RGL2: variants seen among roughly 807,000 people sequenced by gnomAD.
The protein encoded by RGL2 is ral guanine nucleotide dissociation stimulator-like 2.
In RGL2, 40 loss-of-function variants were observed where a neutral mutation model predicts 84.6. The observed-to-expected ratio is 0.47, with a 90% CI of 0.37 to 0.62. The LOEUF is 0.62. Ranked by LOEUF, RGL2 falls within the 20% of genes least tolerant of loss-of-function variation. The pLI is 0.00. For synonymous variants in RGL2, 369 were observed against 417.3 expected (o/e 0.88, Z 1.41); for missense variants, 865 against 1,019.7 (o/e 0.85, Z 2.07).
At position 33,293,005 on chromosome 6, in the gene RGL2, G is replaced by A; in HGVS notation, c.2007+11C>T. The A allele has an allele frequency of 6.2e-7, 1 of 1,613,976 alleles. No homozygotes were observed. The highest frequency in any genetic ancestry group is 8.5e-7 in the Non-Finnish European group (1 of 1,179,972). On this transcript the variant is annotated intron_variant, in intron 16 of 17. Coordinates refer to ENST00000497454, the MANE Select transcript of RGL2 (RefSeq NM_004761.5). The surrounding 1 kb of genome is among the most constrained non-coding windows in gnomAD (Gnocchi z 7.0). ...ATCCTTCACCCCAACTCCATCCCAA[G>A]GCTCCCTCACCAAAATGCTCTTATA...
chr6:33,295,794 T>C lies in RGL2; in HGVS notation c.769-35A>G, dbSNP rs770255005. The C allele has an allele frequency of 6.9e-6, 11 of 1,592,044 alleles. 1 individual carries two copies. The Admixed American group carries it at 1.2e-4, about 17-fold the overall frequency. ...AGAGGTCAGAGGTTAAAGTTCATAGTCAAGTGAGGTCAGCCTTCCAATATC... is the reference window on the plus strand; with the variant it reads ...AGAGGTCAGAGGTTAAAGTTCATAGCCAAGTGAGGTCAGCCTTCCAATATC... On this transcript the variant is annotated intron_variant, in intron 6 of 17. Transcript: ENST00000497454. The surrounding 1 kb of genome is among the most constrained non-coding windows in gnomAD (Gnocchi z 7.2).
In RGL2 at chr6:33,292,208, A is replaced by C; in HGVS notation, c.2228T>G (p.Val743Gly). The change falls in exon 18 of 18, where the codon GTC (valine) becomes GGC (glycine). Residue 743 changes from valine (V) to glycine (G), a missense_variant. Physicochemically the swap from Val to Gly is moderately radical, Grantham distance 109. Around this residue, in one of 5 missense-constraint regions of RGL2, gnomAD observed 302 missense variants for 327.9 expected, o/e 0.92. Coordinates refer to ENST00000497454, the MANE Select transcript of RGL2 (RefSeq NM_004761.5). ...RRRSSTATPG[V>G]TSGPSASGTP... ...TCCTGAGGCAGACGGGCCACTGGTG[A>C]CGCCAGGTGTAGCAGTAGAGGACCT... 1 of 1,614,188 alleles carries C rather than the reference A, an allele frequency of 6.2e-7. No homozygotes were observed. The highest frequency in any genetic ancestry group is 8.5e-7 in the Non-Finnish European group (1 of 1,180,034).
In RGL2 at chr6:33,293,777, A is replaced by G. The variant is rs755988612; in HGVS notation, c.1508+18T>C. On this transcript the variant is annotated intron_variant, in intron 13 of 17. Coordinates refer to ENST00000497454, the MANE Select transcript of RGL2 (RefSeq NM_004761.5). The surrounding 1 kb of genome is among the most constrained non-coding windows in gnomAD (Gnocchi z 7.0). The stretch of plus-strand genomic sequence containing the variant: ...ACCTGGCCAGAACCCTGGAGTCCCA[A>G]CCTCACCCGCCAGTCACCTCTGAGC... The G allele has an allele frequency of 6.2e-7, 1 of 1,613,290 alleles. No homozygotes were observed. Among genetic ancestry groups the G allele is most frequent in the African/African-American group, 1.3e-5 (1 of 74,854 alleles).
In RGL2 at chr6:33,292,488, A is replaced by G. The variant is rs750885297; in HGVS notation, c.2064T>C (p.Asn688=). Residue 688 remains asparagine, a synonymous_variant, in exon 17 of 18, where the codon AAT becomes AAC. Coordinates refer to ENST00000497454, the MANE Select transcript of RGL2 (RefSeq NM_004761.5). ...SVISRVLKKN[N]RDSAVASEYE... is the part of the protein sequence containing the mutation. ...ACTCTGAAGCCACTGCAGAGTCACG[A>G]TTGTTTTTCTTAAGGACACGACTGA... The G allele has an allele frequency of 1.9e-6, 3 of 1,613,956 alleles. No individual in the cohort carries two copies. In the Middle Eastern group the frequency reaches 4.9e-4, roughly 266 times the overall value.
chr6:33,294,560 A>G lies in RGL2; in HGVS notation c.1353+128T>C. The G allele has an allele frequency of 1.1e-6, 1 of 942,224 alleles. No individual in the cohort carries two copies. The highest frequency in any genetic ancestry group is 1.6e-6 in the Non-Finnish European group (1 of 620,772). The allele number at this position is 942,224 out of a possible 1,614,324, so 58.4% of individuals were successfully genotyped here. A position where few individuals can be genotyped will look rare whatever the true frequency, so the allele number is the denominator to read the frequency against. On this transcript the variant is annotated intron_variant, in intron 11 of 17. Coordinates refer to ENST00000497454, the MANE Select transcript of RGL2 (RefSeq NM_004761.5). The surrounding 1 kb of genome is among the most constrained non-coding windows in gnomAD (Gnocchi z 5.0). ...ATCACTGAGGCGACTTGGCACAGAA[A>G]CAGATCTGGCTCTGTCCCACACTCA...
At position 33,296,513 on chromosome 6, in the gene RGL2, T is replaced by G. The variant is rs1321095796; in HGVS notation, c.420-49A>C. The G allele has an allele frequency of 3.8e-6, 6 of 1,586,840 alleles. No individual in the cohort carries two copies. In the Admixed American group the frequency reaches 7.1e-5, roughly 19 times the overall value. On this transcript the variant is annotated intron_variant, in intron 4 of 17. Coordinates refer to ENST00000497454, the MANE Select transcript of RGL2 (RefSeq NM_004761.5). The surrounding 1 kb of genome is among the most constrained non-coding windows in gnomAD (Gnocchi z 5.0). ...CTGTCCATTTTTCCCAAACCCTCAG[T>G]GGCTTTGACTATTTTGGTGGGATGT...
Position 33,296,402 on chromosome 6 carries a change from G to C in RGL2, c.470+12C>G, listed in dbSNP as rs1767961180. On this transcript the variant is annotated intron_variant, in intron 5 of 17. Coordinates refer to ENST00000497454, the MANE Select transcript of RGL2 (RefSeq NM_004761.5). The surrounding 1 kb of genome is among the most constrained non-coding windows in gnomAD (Gnocchi z 5.0). Reference sequence around the variant, plus strand: ...GAGGGGACTGTGAGATTAAGAACCAGGGGTCACTCACTCTGTTGTCCTCTC... The same window carrying C: ...GAGGGGACTGTGAGATTAAGAACCACGGGTCACTCACTCTGTTGTCCTCTC... 5 of 1,610,046 alleles carry C rather than the reference G, an allele frequency of 3.1e-6. No individual in the cohort carries two copies. The highest frequency in any genetic ancestry group is 3.4e-6 in the Non-Finnish European group (4 of 1,177,840).
In RGL2 at chr6:33,294,745, A is replaced by G. The variant is rs1325260010; in HGVS notation, c.1296T>C (p.Leu432=). 2.5e-6 allele frequency: 4 copies of G among 1,614,022 alleles called. No homozygotes were observed. The highest frequency in any genetic ancestry group is 3.4e-6 in the Non-Finnish European group (4 of 1,179,994). The change falls in exon 11 of 18, where the codon CTT becomes CTC. Residue 432 remains leucine, a synonymous_variant. Transcript: ENST00000497454. This position sits in a 1 kb window ranked among gnomAD's most constrained non-coding sequence, Gnocchi z 5.0. The stretch of plus-strand genomic sequence containing the variant: ...TCACAAGGTCCTTCAGGAAGGTGCC[A>G]AGGTATGGGACCACACCCTGAAGTC... ...GSRGGGVVPY[L]GTFLKDLVML...
rs775682699 is a variant in RGL2 at position 33,291,736 on chromosome 6, C to T, written c.*366G>A. ...CCCAGAGTGGGAAGAAGAGCTCCTG[C>T]GAGGACCTACATTTTGCCATTCCCC... On this transcript the variant is annotated 3_prime_UTR_variant, in exon 18 of 18. Coordinates refer to ENST00000497454, the MANE Select transcript of RGL2 (RefSeq NM_004761.5). 4 of 413,458 alleles carry T rather than the reference C, an allele frequency of 9.7e-6. No homozygotes were observed. The highest frequency in any genetic ancestry group is 4.3e-5 in the Admixed American group (1 of 23,246). The allele number at this position is 413,458 out of a possible 1,614,324, so 25.6% of individuals were successfully genotyped here.
chr6:33,295,708 G>C lies in RGL2; in HGVS notation c.820C>G (p.His274Asp). The change falls in exon 7 of 18, where the codon CAC becomes GAC. Residue 274 changes from histidine to aspartate, a missense_variant. This residue lies in a region of RGL2 where 455 missense variants were observed against 507.8 expected (regional missense o/e 0.90). Transcript: ENST00000497454. This position sits in a 1 kb window ranked among gnomAD's most constrained non-coding sequence, Gnocchi z 7.2. ...PSQCLGGLWG[H>D]RDRPGHSHLC... ...TGAGAATGTCCTGGCCGGTCTCTGT[G>C]ACCCCACAGGCCTCCCAGGCACTGA... is the stretch of plus-strand genomic sequence containing the variant. 6.2e-7 allele frequency: 1 copy of C among 1,613,856 alleles called. No individual in the cohort carries two copies. Among genetic ancestry groups the C allele is most frequent in the South Asian group, 1.1e-5 (1 of 91,084 alleles).
rs760679324 is a variant in RGL2, at chr6:33,295,921, A to C, written c.768+107T>G. On this transcript the variant is annotated intron_variant, in intron 6 of 17. Coordinates refer to ENST00000497454, the MANE Select transcript of RGL2 (RefSeq NM_004761.5). This position sits in a 1 kb window ranked among gnomAD's most constrained non-coding sequence, Gnocchi z 7.2. ...GGAGAATCAAAATGGTAGGTGGAGG[A>C]GGCTAGGAGCTGGATCAGGAAGGGG... is the stretch of plus-strand genomic sequence containing the variant. 59 of 1,467,010 alleles carry C rather than the reference A, an allele frequency of 4.0e-5. 1 individual carries two copies. The highest frequency in any genetic ancestry group is 5.5e-5 in the Non-Finnish European group (59 of 1,064,726). The allele number at this position is 1,467,010 out of a possible 1,614,324, so 90.9% of individuals were successfully genotyped here.
In RGL2 at chr6:33,294,197, T is replaced by A; in HGVS notation, c.1354-131A>T. Reference sequence around the variant, plus strand: ...CACTTCCCTCCAGCCTCTCTGACTCTTCGATCCCTCCCTGCCTTCCTCCTC... The same window carrying A: ...CACTTCCCTCCAGCCTCTCTGACTCATCGATCCCTCCCTGCCTTCCTCCTC... On this transcript the variant is annotated intron_variant, in intron 11 of 17. Coordinates refer to ENST00000497454, the MANE Select transcript of RGL2 (RefSeq NM_004761.5). This position sits in a 1 kb window ranked among gnomAD's most constrained non-coding sequence, Gnocchi z 5.0. 1 of 1,073,798 alleles carries A rather than the reference T, an allele frequency of 9.3e-7. No homozygotes were observed. Among genetic ancestry groups the A allele is most frequent in the Non-Finnish European group, 1.4e-6 (1 of 737,420 alleles). The allele number at this position is 1,073,798 out of a possible 1,614,324, so 66.5% of individuals were successfully genotyped here. A position where few individuals can be genotyped will look rare whatever the true frequency, so the allele number is the denominator to read the frequency against.
At position 33,296,886 on chromosome 6, in the gene RGL2, A is replaced by T. The variant is rs773474933; in HGVS notation, c.241-110T>A. On this transcript the variant is annotated intron_variant, in intron 3 of 17. Coordinates refer to ENST00000497454, the MANE Select transcript of RGL2 (RefSeq NM_004761.5). This position sits in a 1 kb window ranked among gnomAD's most constrained non-coding sequence, Gnocchi z 5.0. ...TTCCAGACTCATTTTTCTGATATTC[A>T]GAGAGGGCAAGAGTCTTGGCCTATG... The T allele has an allele frequency of 1.3e-6, 2 of 1,513,682 alleles. No individual in the cohort carries two copies. The highest frequency in any genetic ancestry group is 2.3e-5 in the South Asian group (2 of 88,664). The allele number at this position is 1,513,682 out of a possible 1,614,324, so 93.8% of individuals were successfully genotyped here. A position where few individuals can be genotyped will look rare whatever the true frequency, so the allele number is the denominator to read the frequency against.
Position 33,292,526 on chromosome 6 carries a change from C to A in RGL2, c.2026G>T (p.Ala676Ser). 3 of 1,614,098 alleles carry A rather than the reference C, an allele frequency of 1.9e-6. No homozygotes were observed. The highest frequency in any genetic ancestry group is 2.5e-6 in the Non-Finnish European group (3 of 1,179,952). The change falls in exon 17 of 18, where the codon GCT becomes TCT. Residue 676 changes from alanine to serine, a missense_variant. Ala to Ser is a moderately conservative substitution (Grantham distance 99). Coordinates refer to ENST00000497454, the MANE Select transcript of RGL2 (RefSeq NM_004761.5). ...KSILVTSQDK[A>S]PSVISRVLKK... ...AGGACACGACTGATGACACTTGGAGCCTTGTCCTGGCTTGTCACCTGGCAG... is the reference window on the plus strand; with the variant it reads ...AGGACACGACTGATGACACTTGGAGACTTGTCCTGGCTTGTCACCTGGCAG...
rs202208374 is a variant in RGL2 at position 33,292,362 on chromosome 6, C to A, written c.2123-49G>T. 248 of 1,609,324 alleles carry A rather than the reference C, an allele frequency of 1.5e-4. 1 individual carries two copies. The highest frequency in any genetic ancestry group is 1.8e-4 in the Non-Finnish European group (210 of 1,176,284). ...AAAGCACACACACAGTTGTTCCCCC[C>A]ACAGCCGCCCAGATGTGGAAGTACT... On this transcript the variant is annotated intron_variant, in intron 17 of 17. Coordinates refer to ENST00000497454, the MANE Select transcript of RGL2 (RefSeq NM_004761.5).
chr6:33,292,190 G>A lies in RGL2; in HGVS notation c.2246C>T (p.Ala749Val), dbSNP rs1221863952. 22 of 1,614,104 alleles carry A rather than the reference G, an allele frequency of 1.4e-5. No homozygotes were observed. The highest frequency in any genetic ancestry group is 1.6e-5 in the Non-Finnish European group (19 of 1,180,050). ...ATPGVTSGPS[A>V]SGTPPSEGGG... Reference sequence around the variant, plus strand: ...TCCCTCACTCGGAGGAGTTCCTGAGGCAGACGGGCCACTGGTGACGCCAGG... The same window carrying A: ...TCCCTCACTCGGAGGAGTTCCTGAGACAGACGGGCCACTGGTGACGCCAGG... Residue 749 changes from alanine to valine, a missense_variant, in exon 18 of 18, where the codon GCC becomes GTC. By Grantham distance (64) the Ala-to-Val change is moderately conservative. Transcript: ENST00000497454.
chr6:33,295,488 A>G lies in RGL2; in HGVS notation c.1020+20T>C. ...TCTCCATTCCATGGCCACAAACCGT[A>G]GGGCAATCTTCTCTCTCACCTCTGC... On this transcript the variant is annotated intron_variant, in intron 7 of 17. Coordinates refer to ENST00000497454, the MANE Select transcript of RGL2 (RefSeq NM_004761.5). This position sits in a 1 kb window ranked among gnomAD's most constrained non-coding sequence, Gnocchi z 7.2. 1 of 1,613,292 alleles carries G rather than the reference A, an allele frequency of 6.2e-7. No individual in the cohort carries two copies. Among genetic ancestry groups the G allele is most frequent in the Non-Finnish European group, 8.5e-7 (1 of 1,179,532 alleles).
chr6:33,293,978 C>T lies in RGL2; in HGVS notation c.1386+56G>A. ...CAGGGACCCCTGACTTTTCCCCCTCCCCTTCCTGGAACATGGATAGGGAAG... is the reference window on the plus strand; with the variant it reads ...CAGGGACCCCTGACTTTTCCCCCTCTCCTTCCTGGAACATGGATAGGGAAG... On this transcript the variant is annotated intron_variant, in intron 12 of 17. Transcript: ENST00000497454. This position sits in a 1 kb window ranked among gnomAD's most constrained non-coding sequence, Gnocchi z 7.0. 6.2e-7 allele frequency: 1 copy of T among 1,614,086 alleles called. No homozygotes were observed. Among genetic ancestry groups the T allele is most frequent in the Non-Finnish European group, 8.5e-7 (1 of 1,180,024 alleles).
upstream of RGL2, chr6:33,299,466 A>T (rs1471055806): frequency 6.6e-6 from 1 of 151,988 alleles, no homozygotes; most frequent in African/African-American, 2.4e-5. This position sits in a 1 kb window ranked among gnomAD's most constrained non-coding sequence, Gnocchi z 5.0. Context: ...ATCCGGTTCC[A>T]GATTCGGCTC....
Sources: allele counts gnomAD v4.1 joint callset, GRCh38; gene constraint gnomAD v4.1.1; regional missense constraint gnomAD v4.1.1; non-coding constraint Gnocchi (gnomAD v3.1); transcripts MANE v1.5; gene names NCBI Gene and HGNC (gene_info 2026-07-23, HGNC 2026-07-21).